The following WWOX variants were observed in gnomAD, a reference collection of about 807,000 sequenced individuals.
WWOX encodes the protein WW domain-containing oxidoreductase.
WWOX carries 69 observed loss-of-function variants against 46.2 expected under a neutral mutation model. The observed-to-expected ratio is 1.49, with a 90% confidence interval of 1.23 to 1.82. WWOX has a LOEUF of 1.82. Among genes scored for constraint, WWOX ranks in the 40% most tolerant of loss-of-function variants. The pLI is 0.00. For missense variants in WWOX, 919 were observed against 542.6 expected, an observed-to-expected ratio of 1.69 and a Z score of -6.89; for synonymous variants, 359 against 202.6, an observed-to-expected ratio of 1.77 and a Z score of -6.56.
At chr16:78,807,109 G>C (rs1343120860) in intron 8 of WWOX, among the ~76,000 whole-genome samples, 1 of 152,194 alleles carries the variant, frequency 6.6e-6, no homozygotes, top group Non-Finnish European at 1.5e-5. Flanking sequence ...TGCTCAATAA[G>C]TCTTTGGTGG....
At chr16:78,842,614 A>T (rs756916122) in intron 8 of WWOX, among the ~76,000 whole-genome samples, 2 of 152,226 alleles carry the variant, frequency 1.3e-5, no homozygotes, top group African/African-American at 2.4e-5. Flanking sequence ...CTGTAATCCC[A>T]GCACTTTGGG....
intron 8 of WWOX, among the ~76,000 whole-genome samples, chr16:78,840,426 T>A (rs139617699): frequency 2.5e-3 from 384 of 152,336 alleles, no homozygotes; most frequent in African/African-American, 8.5e-3. Flanking sequence ...AAAAGTCCTC[T>A]TGCCTCTGCA....
intron 8 of WWOX, among the ~76,000 whole-genome samples, chr16:79,061,653 A>T (rs929187123): frequency 3.3e-5 from 5 of 152,218 alleles, no homozygotes; most frequent in African/African-American, 1.2e-4. Context: ...TCAGGGGCAA[A>T]GAATGGGAGG....
intron 5 of WWOX, among the ~76,000 whole-genome samples, chr16:78,199,340 CAAACTA>C (rs2036158765): frequency 6.9e-6 from 1 of 144,888 alleles, no homozygotes. Context: ...AACAAACAAA[CAAACTA>C]AGAACAACAA....
At chr16:79,114,009 C>T (rs1360957956) in intron 8 of WWOX, among the ~76,000 whole-genome samples, 1 of 152,156 alleles carries the variant, frequency 6.6e-6, no homozygotes, top group African/African-American at 2.4e-5. Context: ...GCACATGATC[C>T]TGTTTGACTT....
At chr16:78,938,241 A>G (rs1331826361) in intron 8 of WWOX, among the ~76,000 whole-genome samples, 1 of 152,196 alleles carries the variant, frequency 6.6e-6, no homozygotes, top group Non-Finnish European at 1.5e-5. Context: ...GACGTGAACT[A>G]GAGGTGAGGT....
At chr16:78,386,788 T>G in intron 5 of WWOX, 72 bp from the exon 6 acceptor site, 2 of 1,338,876 alleles carry the variant, frequency 1.5e-6, no homozygotes, top group Non-Finnish European at 2.1e-6. Flanking sequence ...CCATAACACA[T>G]TTACTGTAAC....
chr16:78,774,519 TGTGTGTGTGTGTGC>T (rs766153081), intron 8 of WWOX, among the ~76,000 whole-genome samples: 9 of 102,536 alleles, frequency 8.8e-5, no homozygotes, highest in South Asian at 3.0e-4. Flanking sequence ...TGTGTGTGTG[TGTGTGTGTGTGTGC>T]GCGTGCGCAC....
intron 5 of WWOX, among the ~76,000 whole-genome samples, chr16:78,262,122 A>G (rs1296515719): frequency 6.7e-6 from 1 of 150,032 alleles, no homozygotes. Context: ...AAAAAAAAGA[A>G]GGAAAGAGGG....
chr16:79,158,783 C>T (rs1211602057), intron 8 of WWOX, among the ~76,000 whole-genome samples: 1 of 152,218 alleles, frequency 6.6e-6, no homozygotes, highest in African/African-American at 2.4e-5. Context: ...CAGTTCTCAG[C>T]ACTGTGCTTC....
intron 8 of WWOX, among the ~76,000 whole-genome samples, chr16:79,189,160 C>A (rs1357960171): frequency 6.6e-6 from 1 of 152,136 alleles, no homozygotes; most frequent in Non-Finnish European, 1.5e-5. Context: ...TTTCTGTTTC[C>A]AGCATGGTCT....
At chr16:79,026,614 C>CTTTTTT (rs748965500) in intron 8 of WWOX, among the ~76,000 whole-genome samples, 61 of 101,086 alleles carry the variant, frequency 6.0e-4, no homozygotes, top group Non-Finnish European at 8.4e-4. Flanking sequence ...GTGGTAGACT[C>CTTTTTT]TTTTTTTTTT....
At chr16:78,782,492 G>A (rs922115550) in intron 8 of WWOX, among the ~76,000 whole-genome samples, 10 of 152,106 alleles carry the variant, frequency 6.6e-5, no homozygotes, top group Non-Finnish European at 1.5e-4. Flanking sequence ...CCAGAGTAGG[G>A]AGGAAAAATC....
At chr16:78,429,832 T>G (rs1315960736) in intron 7 of WWOX, among the ~76,000 whole-genome samples, 1 of 152,170 alleles carries the variant, frequency 6.6e-6, no homozygotes, top group African/African-American at 2.4e-5. Flanking sequence ...CAAAATGGCG[T>G]GTGTTTCAAC....
chr16:78,141,589 C>A (rs2033990325), intron 4 of WWOX, among the ~76,000 whole-genome samples: 2 of 152,072 alleles, frequency 1.3e-5, no homozygotes, highest in Admixed American at 1.3e-4. Context: ...ATTAAGAAAT[C>A]CCTACACTTT....
intron 8 of WWOX, among the ~76,000 whole-genome samples, chr16:78,912,861 A>T (rs949438036): frequency 5.3e-5 from 8 of 151,950 alleles, no homozygotes; most frequent in African/African-American, 1.9e-4. Flanking sequence ...CATTGGTTAG[A>T]TGCCGTATCT....
At chr16:78,422,427 C>G (rs2082954369) in intron 6 of WWOX, among the ~76,000 whole-genome samples, 3 of 151,234 alleles carry the variant, frequency 2.0e-5, no homozygotes, top group Admixed American at 1.3e-4. Flanking sequence ...CATTGCAGCC[C>G]TTGAACTCCT....
intron 8 of WWOX, among the ~76,000 whole-genome samples, chr16:78,478,602 C>G (rs2084410565): frequency 6.6e-6 from 1 of 152,124 alleles, no homozygotes; most frequent in African/African-American, 2.4e-5. Flanking sequence ...GAAAGCCTTC[C>G]CACCTTTGGA....
At chr16:78,519,043 TC>T (rs1040986388) in intron 8 of WWOX, among the ~76,000 whole-genome samples, 1 of 152,220 alleles carries the variant, frequency 6.6e-6, no homozygotes, top group African/African-American at 2.4e-5. Context: ...TAGCTGTTTT[TC>T]TAATTTAATC....
Sources: gnomAD v4.1 joint callset for allele counts (sites outside exome capture counted in the v4.1 genomes callset) on GRCh38, gnomAD v4.1.1 for gene constraint, MANE v1.5 for transcripts, NCBI Gene and HGNC (gene_info 2026-07-23, HGNC 2026-07-21) for gene names.